The following MYT1 variants were observed in gnomAD, a reference collection of about 807,000 sequenced individuals.
MYT1 encodes the protein myelin transcription factor I.
Under a neutral mutation model 123.0 loss-of-function variants are expected in MYT1, and 23 were observed. The observed-to-expected ratio is 0.19, with a 90% CI of 0.13 to 0.26. The LOEUF (loss-of-function observed/expected upper bound fraction) is 0.26. Among genes scored for constraint, MYT1 ranks in the 10% least tolerant of loss-of-function variants. The pLI, the probability that MYT1 is intolerant of heterozygous loss-of-function variation, is 1.00. For missense variants in MYT1, 1,125 were observed against 1,472.5 expected (o/e 0.76, Z 3.86); for synonymous variants, 518 against 575.3 (o/e 0.90, Z 1.43).
At chr20:64,177,515 G>T (rs1197748077) in intron 1 of MYT1, among the ~76,000 whole-genome samples, 2 of 152,186 alleles carry the variant, frequency 1.3e-5, no homozygotes, top group African/African-American at 4.8e-5. Context: ...GCCCCCCAGG[G>T]TGTGGAGAGG....
intron 7 of MYT1, among the ~76,000 whole-genome samples, chr20:64,210,210 T>G (rs1267529634): frequency 6.6e-6 from 1 of 152,118 alleles, no homozygotes; most frequent in East Asian, 1.9e-4. Context: ...CAGGGATAGA[T>G]TTTCAGTGCA....
intron 13 of MYT1, among the ~76,000 whole-genome samples, chr20:64,220,292 A>C (rs765712099): frequency 1.3e-5 from 2 of 152,110 alleles, no homozygotes; most frequent in Non-Finnish European, 2.9e-5. Flanking sequence ...CATGGGGAGG[A>C]GAAAGGCATC....
rs767555966 is a variant in MYT1, at chr20:64,219,790, C to T, written c.2049C>T (p.Phe683=). 28 of 1,614,126 alleles carry T rather than the reference C, an allele frequency of 1.7e-5. No homozygotes were observed. The highest frequency in any genetic ancestry group is 2.2e-5 in the Non-Finnish European group (26 of 1,180,032). ...AACACCGCAAACGAGAAAATGCTTT[C>T]CCCAGCAGCAGCAGCTGCAGCAGCA... The part of the protein sequence containing the change: ...MHKHRKRENA[F]PSSSSCSSSP... Residue 683 remains phenylalanine (F), a synonymous_variant, in exon 13 of 23, where the codon TTC becomes TTT. Transcript: ENST00000328439.
chr20:64,182,082 C>T (rs999519057), intron 1 of MYT1, among the ~76,000 whole-genome samples: 1 of 152,212 alleles, frequency 6.6e-6, no homozygotes, highest in South Asian at 2.1e-4. Flanking sequence ...GCTGCCTTGC[C>T]AGGCTCTGAT....
In MYT1 at chr20:64,190,904, G is replaced by A. The variant is rs541939185; in HGVS notation, c.-1+744G>A. On this transcript the variant is annotated intron_variant, in intron 2 of 22. Coordinates refer to ENST00000328439, the MANE Select transcript of MYT1 (RefSeq NM_004535.3). The surrounding 1 kb of genome is among the most constrained non-coding windows in gnomAD (Gnocchi z 4.1). ...GAATCACTTGAACCTGGGAGGCAGA[G>A]GTTGCAGTGACCCAAGATTGTGCCA... 2.0e-5 allele frequency among the ~76,000 whole-genome samples: 3 copies of A among 152,316 alleles called. No individual in the cohort carries two copies. Among genetic ancestry groups the A allele is most frequent in the Non-Finnish European group, 4.4e-5 (3 of 68,022 alleles).
At chr20:64,237,217 T>C (rs1984577995) in intron 20 of MYT1, 70 bp from the exon 21 acceptor site, 1 of 1,312,556 alleles carries the variant, frequency 7.6e-7, no homozygotes, top group Non-Finnish European at 1.1e-6. Flanking sequence ...GAAAGCAGGC[T>C]TCCCCACAGC....
In MYT1 at chr20:64,212,596, G is replaced by A. The variant is rs548194791; in HGVS notation, c.1517+458G>A. Among the ~76,000 whole-genome samples, 11 of 152,278 alleles carry A rather than the reference G, an allele frequency of 7.2e-5. No individual in the cohort carries two copies. The highest frequency in any genetic ancestry group is 2.2e-4 in the African/African-American group (9 of 41,546). On this transcript the variant is annotated intron_variant, in intron 9 of 22. Coordinates refer to ENST00000328439, the MANE Select transcript of MYT1 (RefSeq NM_004535.3). This position sits in a 1 kb window ranked among gnomAD's most constrained non-coding sequence, Gnocchi z 6.8. ...TACAACAACCATGTGAGAGCCAGGT[G>A]AATACTTTGTGTCCTACCCACATTC...
chr20:64,176,487 C>G (rs1233353958), intron 1 of MYT1, among the ~76,000 whole-genome samples: 2 of 152,180 alleles, frequency 1.3e-5, no homozygotes, highest in Non-Finnish European at 2.9e-5. Flanking sequence ...CTGGCTTCTC[C>G]TCTTCTAGCA....
rs142370327 is a variant in MYT1, at chr20:64,208,240, G to C, written c.1044G>C (p.Ser348=). The change falls in exon 7 of 23, where the codon TCG becomes TCC. Residue 348 remains serine (S), a synonymous_variant. Transcript: ENST00000328439. The surrounding 1 kb of genome is among the most constrained non-coding windows in gnomAD (Gnocchi z 5.4). ...ACTCTGTTATTGTGGAGGTCCGCTC[G>C]GATGATGACAAGGACGAGGACACCC... ...PEYSVIVEVR[S]DDDKDEDTHS... The C allele has an allele frequency of 2.5e-6, 4 of 1,613,996 alleles. No homozygotes were observed. The African/African-American group carries it at 5.3e-5, about 22-fold the overall frequency.
rs575379655 is a variant in MYT1, at chr20:64,166,528, G to A, written c.-99+1789G>A. ...CCTTGGGCCATGAATCCCTGAAGAGGGCCTGGTAGCCCTCTTCAGAGACCC... is the reference window on the plus strand; with the variant it reads ...CCTTGGGCCATGAATCCCTGAAGAGAGCCTGGTAGCCCTCTTCAGAGACCC... On this transcript the variant is annotated intron_variant, in intron 1 of 22. Coordinates refer to ENST00000328439, the MANE Select transcript of MYT1 (RefSeq NM_004535.3). This position sits in a 1 kb window ranked among gnomAD's most constrained non-coding sequence, Gnocchi z 4.9. Among the ~76,000 whole-genome samples the A allele has an allele frequency of 3.1e-4, 47 of 152,188 alleles. No homozygotes were observed. Among genetic ancestry groups the A allele is most frequent in the African/African-American group, 9.9e-4 (41 of 41,528 alleles).
At chr20:64,182,200 G>A (rs2145697553) in intron 1 of MYT1, among the ~76,000 whole-genome samples, 1 of 152,310 alleles carries the variant, frequency 6.6e-6, no homozygotes, top group African/African-American at 2.4e-5. Context: ...CAAGATGTAA[G>A]TTTATACTCA....
intron 1 of MYT1, among the ~76,000 whole-genome samples, chr20:64,165,100 G>A (rs931799644): frequency 1.3e-5 from 2 of 152,036 alleles, no homozygotes; most frequent in African/African-American, 4.8e-5. Flanking sequence ...TATGTCTGTG[G>A]CCGTGGGACC....
chr20:64,218,005 G>A lies in MYT1; in HGVS notation c.1846+724G>A, dbSNP rs112746045. Among the ~76,000 whole-genome samples the A allele has an allele frequency of 2.0e-4, 30 of 152,326 alleles. No homozygotes were observed. Among genetic ancestry groups the A allele is most frequent in the Non-Finnish European group, 3.4e-4 (23 of 68,034 alleles). Reference sequence around the variant, plus strand: ...TACACATGAGATTGGGAGTGGCATCGCGGGGCAGATGTTGTCAGCCCCAAA... The same window carrying A: ...TACACATGAGATTGGGAGTGGCATCACGGGGCAGATGTTGTCAGCCCCAAA... On this transcript the variant is annotated intron_variant, in intron 11 of 22. Coordinates refer to ENST00000328439, the MANE Select transcript of MYT1 (RefSeq NM_004535.3). This position sits in a 1 kb window ranked among gnomAD's most constrained non-coding sequence, Gnocchi z 4.0.
chr20:64,170,884 T>TATATATATATAGAGAG (rs1569303821), intron 1 of MYT1, among the ~76,000 whole-genome samples: 1 of 20,010 alleles, frequency 5.0e-5, no homozygotes, highest in African/African-American at 2.3e-4. Context: ...TATATATATA[T>TATATATATATAGAGAG]AGAGAGAGAG....
intron 2 of MYT1, among the ~76,000 whole-genome samples, chr20:64,194,562 A>G (rs1296787149): frequency 6.6e-6 from 1 of 152,210 alleles, no homozygotes; most frequent in Non-Finnish European, 1.5e-5. Context: ...GCCCTGGGCC[A>G]TTGGTGCAGA....
At chr20:64,221,461 G>A (rs1021737685) in intron 13 of MYT1, among the ~76,000 whole-genome samples, 6 of 152,228 alleles carry the variant, frequency 3.9e-5, no homozygotes, top group Admixed American at 3.9e-4. Context: ...TAATTTGTAT[G>A]TTATTACCCT....
Position 64,190,762 on chromosome 20 carries a change from A to G in MYT1, c.-1+602A>G, listed in dbSNP as rs979235226. Among the ~76,000 whole-genome samples, 6 of 148,934 alleles carry G rather than the reference A, an allele frequency of 4.0e-5. No homozygotes were observed. In the East Asian group the frequency reaches 1.2e-3, roughly 29 times the overall value. ...GGCAGGTGGATCACTTGAGGTCAAGAGTTCAAGACCAGCCTGGCCAACATG... is the reference window on the plus strand; with the variant it reads ...GGCAGGTGGATCACTTGAGGTCAAGGGTTCAAGACCAGCCTGGCCAACATG... On this transcript the variant is annotated intron_variant, in intron 2 of 22. Transcript: ENST00000328439. This position sits in a 1 kb window ranked among gnomAD's most constrained non-coding sequence, Gnocchi z 4.1.
chr20:64,214,652 C>T (rs916375996), intron 10 of MYT1, among the ~76,000 whole-genome samples: 9 of 152,202 alleles, frequency 5.9e-5, no homozygotes, highest in Admixed American at 1.3e-4. Flanking sequence ...ACACCCTGCT[C>T]CCCACTCCCG....
At chr20:64,237,235 C>A in intron 20 of MYT1, 52 bp from the exon 21 acceptor site, 1 of 1,516,064 alleles carries the variant, frequency 6.6e-7, no homozygotes, top group Non-Finnish European at 9.0e-7. Context: ...AGCACTTTGG[C>A]CCAGGCCTGC....
Sources: gnomAD v4.1 joint callset for allele counts (sites outside exome capture counted in the v4.1 genomes callset) on GRCh38, gnomAD v4.1.1 for gene constraint, Gnocchi (gnomAD v3.1) non-coding constraint, MANE v1.5 for transcripts, NCBI Gene and HGNC (gene_info 2026-07-23, HGNC 2026-07-21) for gene names.